Variants in MED13L observed in about 807,000 individuals in gnomAD.
MED13L encodes mediator complex subunit 13L.
MED13L carries 7 observed loss-of-function variants against 220.9 expected under a neutral mutation model. That is an observed-to-expected ratio of 0.03 (90% CI 0.02 to 0.06). The LOEUF (loss-of-function observed/expected upper bound fraction) is 0.06. MED13L is among the 10% of genes least tolerant of loss of function. MED13L has a pLI of 1.00. For synonymous variants in MED13L, 1,011 were observed against 1,015.2 expected (o/e 1.00, Z 0.08); for missense variants, 1,965 against 2,760.5 (o/e 0.71, Z 6.46).
At chr12:116,037,395 A>G (rs1881255740) in intron 4 of MED13L, among the ~76,000 whole-genome samples, 2 of 152,242 alleles carry the variant, frequency 1.3e-5, no homozygotes, top group Non-Finnish European at 2.9e-5. Context: ...TGTACAAGGT[A>G]TATATGAAAC....
chr12:116,018,320 T>A (rs972966841), intron 7 of MED13L, among the ~76,000 whole-genome samples: 32 of 152,228 alleles, frequency 2.1e-4, no homozygotes, highest in African/African-American at 7.7e-4. Flanking sequence ...AAACATTTAT[T>A]TAATGCCCAC....
At chr12:116,083,437 A>AAC (rs1434556785) in intron 4 of MED13L, among the ~76,000 whole-genome samples, 1 of 150,422 alleles carries the variant, frequency 6.6e-6, no homozygotes, top group Non-Finnish European at 1.5e-5. Context: ...ACACCTGCGC[A>AAC]ACAAAGTGGA....
chr12:116,007,595 T>C lies in MED13L; in HGVS notation c.2054A>G (p.Asp685Gly), dbSNP rs1224031662. Residue 685 changes from aspartate (D) to glycine (G), a missense_variant, in exon 11 of 31, where the codon GAC becomes GGC. Physicochemically the swap from Asp to Gly is moderately conservative, Grantham distance 94 (BLOSUM62 -1). Transcript: ENST00000281928. ...QPNKRFKIWQDKQPQLQPLHF... is the reference protein window; with the variant it reads ...QPNKRFKIWQGKQPQLQPLHF... ...GAGTGGCTGCAACTGGGGCTGTTTG[T>C]CTTGCCAGATTTTAAACCGTTTGTT... is the stretch of plus-strand genomic sequence containing the variant. The C allele has an allele frequency of 2.5e-6, 4 of 1,611,262 alleles. No homozygotes were observed. The highest frequency in any genetic ancestry group is 1.4e-5 in the African/African-American group (1 of 73,970).
Position 116,253,140 on chromosome 12 carries a change from T to C in MED13L, c.73-15435A>G, listed in dbSNP as rs544259347. 2.1e-5 allele frequency among the ~76,000 whole-genome samples: 3 copies of C among 141,970 alleles called. No homozygotes were observed. In the South Asian group the frequency reaches 6.4e-4, roughly 30 times the overall value. 93.1% of individuals were successfully genotyped at this position (141,970 alleles called of 152,430 possible). On this transcript the variant is annotated intron_variant, in intron 1 of 30. Transcript: ENST00000281928. ...AGCCAGATGTGTTGGTGCGCACCTG[T>C]AATCCCAGCTACTTGGGAGGCTGAG...
At chr12:116,099,564 G>A (rs1372194213) in intron 3 of MED13L, among the ~76,000 whole-genome samples, 2 of 152,068 alleles carry the variant, frequency 1.3e-5, no homozygotes, top group Admixed American at 1.3e-4. Context: ...AATTTACAGT[G>A]TACAGAAAGA....
At chr12:116,071,337 G>A (rs565107235) in intron 4 of MED13L, among the ~76,000 whole-genome samples, 59 of 152,312 alleles carry the variant, frequency 3.9e-4, no homozygotes, top group Non-Finnish European at 6.9e-4. Flanking sequence ...AGAAAGAAAT[G>A]TGCTTCAAAC....
intron 2 of MED13L, among the ~76,000 whole-genome samples, chr12:116,149,652 T>C (rs976856292): frequency 3.9e-5 from 6 of 152,160 alleles, no homozygotes; most frequent in Admixed American, 1.3e-4. Context: ...AAATCAGACC[T>C]TAAAGGGTGG....
chr12:116,108,984 G>A (rs1873839140), intron 3 of MED13L, among the ~76,000 whole-genome samples: 1 of 149,092 alleles, frequency 6.7e-6, no homozygotes, highest in African/African-American at 2.5e-5. Flanking sequence ...CCAAGTAACA[G>A]ACCCTGAAAT....
At chr12:116,239,169 A>G (rs1386327377) in intron 1 of MED13L, among the ~76,000 whole-genome samples, 1 of 152,212 alleles carries the variant, frequency 6.6e-6, no homozygotes, top group Admixed American at 6.5e-5. Context: ...TTGCTTCAAA[A>G]AAGTTACAAA....
At chr12:116,142,641 T>C (rs1299254059) in intron 2 of MED13L, among the ~76,000 whole-genome samples, 1 of 152,050 alleles carries the variant, frequency 6.6e-6, no homozygotes, top group Non-Finnish European at 1.5e-5. Flanking sequence ...CAGGCCGATA[T>C]TGCGCCACAG....
At position 116,184,406 on chromosome 12, in the gene MED13L, G is replaced by A. The variant is rs914611450; in HGVS notation, c.310+53062C>T. ...AATGTGGAGTTTGTACAACAATGAA[G>A]AGAGGGATGTGTTTAGCTAAGTGGC... On this transcript the variant is annotated intron_variant, in intron 2 of 30. Transcript: ENST00000281928. 2.6e-5 allele frequency among the ~76,000 whole-genome samples: 4 copies of A among 152,276 alleles called. No homozygotes were observed. The South Asian group carries it at 8.3e-4, about 32-fold the overall frequency.
chr12:116,228,944 T>A (rs1028733477), intron 2 of MED13L, among the ~76,000 whole-genome samples: 4 of 152,178 alleles, frequency 2.6e-5, no homozygotes, highest in African/African-American at 7.2e-5. Flanking sequence ...ACCTCTTTTT[T>A]AAATTTTTTT....
intron 2 of MED13L, among the ~76,000 whole-genome samples, chr12:116,169,833 G>A (rs919406441): frequency 6.6e-6 from 1 of 152,098 alleles, no homozygotes; most frequent in Non-Finnish European, 1.5e-5. Flanking sequence ...AACATAAGGC[G>A]ACTCCATCTC....
At chr12:116,216,596 C>A (rs151277400) in intron 2 of MED13L, among the ~76,000 whole-genome samples, 368 of 152,232 alleles carry the variant, frequency 2.4e-3, no homozygotes, top group Non-Finnish European at 3.9e-3. Flanking sequence ...AAAGTGACGG[C>A]TGCTCACAGA....
intron 4 of MED13L, among the ~76,000 whole-genome samples, chr12:116,061,979 G>T (rs567944758): frequency 7.6e-6 from 1 of 132,310 alleles, no homozygotes; most frequent in African/African-American, 2.9e-5. Context: ...CTGCACTCCA[G>T]CCTGGGAGAC....
intron 2 of MED13L, among the ~76,000 whole-genome samples, chr12:116,176,213 C>T (rs1201941494): frequency 2.0e-5 from 3 of 152,158 alleles, no homozygotes; most frequent in African/African-American, 7.2e-5. Context: ...TTAAGCTTCT[C>T]GTGCTTTGGT....
intron 2 of MED13L, among the ~76,000 whole-genome samples, chr12:116,167,557 T>C (rs184780490): frequency 2.0e-3 from 300 of 152,312 alleles, no homozygotes; most frequent in African/African-American, 7.0e-3. Context: ...GTATTTATTT[T>C]ATGTGGAGAT....
intron 2 of MED13L, among the ~76,000 whole-genome samples, chr12:116,208,099 C>A (rs1481092712): frequency 6.6e-6 from 1 of 152,068 alleles, no homozygotes; most frequent in African/African-American, 2.4e-5. Context: ...ATTTAAACAT[C>A]GAGAAGGATA....
At chr12:116,036,948 T>G (rs1193562834) in intron 4 of MED13L, among the ~76,000 whole-genome samples, 1 of 152,202 alleles carries the variant, frequency 6.6e-6, no homozygotes, top group South Asian at 2.1e-4. Flanking sequence ...TGAGGTACTC[T>G]TACTATTTCA....
Sources: gnomAD v4.1 joint callset for allele counts (sites outside exome capture counted in the v4.1 genomes callset) on GRCh38, gnomAD v4.1.1 for gene constraint, MANE v1.5 for transcripts, NCBI Gene and HGNC (gene_info 2026-07-23, HGNC 2026-07-21) for gene names.